Variants in SAE1 observed in about 807,000 individuals in gnomAD.
SAE1 encodes the protein SUMO1 activating enzyme subunit 1, also known as SUMO-activating enzyme subunit 1.
A neutral mutation model predicts 40.6 loss-of-function variants in SAE1; 11 were observed. The observed-to-expected ratio is 0.27, with a 90% CI of 0.17 to 0.45. SAE1 has a LOEUF of 0.45. Ranked by LOEUF, SAE1 falls within the 20% of genes least tolerant of loss-of-function variation. The probability of loss-of-function intolerance (pLI) is 1.00; values close to 1 mark genes in which losing one functional copy is unlikely to be tolerated. For missense variants in SAE1, 373 were observed against 427.3 expected (o/e 0.87, Z 1.12); for synonymous variants, 155 against 154.3 (o/e 1.00, Z -0.03).
chr19:47,151,257 C>T (rs1278367271), intron 3 of SAE1, among the ~76,000 whole-genome samples: 1 of 144,716 alleles, frequency 6.9e-6, no homozygotes, highest in African/African-American at 2.6e-5. Flanking sequence ...TCAAGTGATT[C>T]TCCTGCCTCA....
At chr19:47,200,435 G>T (rs2058646546) in intron 7 of SAE1, among the ~76,000 whole-genome samples, 1 of 143,286 alleles carries the variant, frequency 7.0e-6, no homozygotes, top group African/African-American at 2.6e-5. Context: ...TATTGACAGG[G>T]TCTCACTATG....
chr19:47,161,179 C>CG (rs1555792002), intron 5 of SAE1, among the ~76,000 whole-genome samples: 7 of 98,672 alleles, frequency 7.1e-5, no homozygotes, highest in Non-Finnish European at 1.4e-4. Context: ...CTAATTTTTT[C>CG]GGGTTTTTTT....
intron 8 of SAE1, among the ~76,000 whole-genome samples, chr19:47,208,895 C>T (rs902341505): frequency 5.9e-5 from 9 of 152,166 alleles, no homozygotes; most frequent in African/African-American, 2.2e-4. Flanking sequence ...TTAACCCAGG[C>T]AAATACATTT....
In SAE1 at chr19:47,137,927, C is replaced by T. The variant is rs111645298; in HGVS notation, c.99-5567C>T. ...TATTTTTAGTAGAGACGGGGTTTTA[C>T]CATGTTGGCCAGGCTGGTCTCAAAC... is the stretch of plus-strand genomic sequence containing the variant. On this transcript the variant is annotated intron_variant, in intron 1 of 8. Transcript: ENST00000270225. Among the ~76,000 whole-genome samples, 7 of 152,138 alleles carry T rather than the reference C, an allele frequency of 4.6e-5. 1 individual carries two copies. Among genetic ancestry groups the T allele is most frequent in the African/African-American group, 1.7e-4 (7 of 41,508 alleles).
intron 7 of SAE1, among the ~76,000 whole-genome samples, chr19:47,202,834 C>T (rs1406760212): frequency 9.2e-5 from 14 of 151,792 alleles, no homozygotes; most frequent in Admixed American, 8.5e-4. Context: ...GACATGAATC[C>T]GGGAGGCGGA....
intron 1 of SAE1, among the ~76,000 whole-genome samples, chr19:47,138,761 T>A (rs2058198419): frequency 6.6e-6 from 1 of 152,068 alleles, no homozygotes; most frequent in East Asian, 1.9e-4. Context: ...GGTTGGAGGA[T>A]CACTTGAGCC....
chr19:47,169,795 G>A (rs759301853), intron 5 of SAE1, 23 bp from the exon 6 acceptor site: 9 of 1,497,636 alleles, frequency 6.0e-6, no homozygotes, highest in Non-Finnish European at 8.4e-6. Flanking sequence ...TTATTCCTAA[G>A]CAGTTCTGCC....
chr19:47,145,063 C>A (rs914048764), intron 2 of SAE1, among the ~76,000 whole-genome samples: 28 of 151,802 alleles, frequency 1.8e-4, no homozygotes, highest in African/African-American at 6.8e-4. Context: ...AGTGCAATGG[C>A]GTGATCTTGG....
Position 47,203,725 on chromosome 19 carries a change from A to C in SAE1, c.933A>C (p.Ala311=). Residue 311 remains alanine (A), a synonymous_variant, in exon 8 of 9, where the codon GCA becomes GCC. Coordinates refer to ENST00000270225, the MANE Select transcript of SAE1 (RefSeq NM_005500.3). The part of the protein sequence containing the change: ...PVCAVVGGIL[A]QEIVKALSQR... ...GTGCGGTGGTTGGAGGGATTTTGGC[A>C]CAGGAAATTGTGAAGGTAAAACATC... 6.2e-7 allele frequency: 1 copy of C among 1,614,090 alleles called. No individual in the cohort carries two copies. Among genetic ancestry groups the C allele is most frequent in the Non-Finnish European group, 8.5e-7 (1 of 1,179,960 alleles).
intron 7 of SAE1, among the ~76,000 whole-genome samples, chr19:47,199,907 A>T (rs950504119): frequency 6.6e-6 from 1 of 151,708 alleles, no homozygotes; most frequent in Non-Finnish European, 1.5e-5. Flanking sequence ...GGCACCTTGT[A>T]AACTGCTGCC....
At chr19:47,183,786 A>G (rs909819368) in intron 6 of SAE1, among the ~76,000 whole-genome samples, 4 of 152,154 alleles carry the variant, frequency 2.6e-5, no homozygotes, top group African/African-American at 9.7e-5. Context: ...CCTCGGCAAG[A>G]GGGGTTGGCA....
chr19:47,194,606 T>A lies in SAE1; in HGVS notation c.734-2627T>A, dbSNP rs116558259. ...GTGTGATGTGGGAGAAAGAGTATTGTCCTTAGAGACAAGGCTCGAGACTGG... is the reference window on the plus strand; with the variant it reads ...GTGTGATGTGGGAGAAAGAGTATTGACCTTAGAGACAAGGCTCGAGACTGG... On this transcript the variant is annotated intron_variant, in intron 6 of 8. Transcript: ENST00000270225. Among the ~76,000 whole-genome samples, 499 of 152,228 alleles carry A rather than the reference T, an allele frequency of 3.3e-3. 3 individuals carry two copies. Among genetic ancestry groups the A allele is most frequent in the African/African-American group, 0.011 (458 of 41,526 alleles).
At chr19:47,169,734 T>C (rs2058418700) in intron 5 of SAE1, 84 bp from the exon 6 acceptor site, 2 of 887,250 alleles carry the variant, frequency 2.3e-6, no homozygotes, top group Non-Finnish European at 3.7e-6. Context: ...ATAATGAGAT[T>C]TTTCTGCAAT....
At chr19:47,206,136 C>T (rs552710991) in intron 8 of SAE1, among the ~76,000 whole-genome samples, 17 of 152,348 alleles carry the variant, frequency 1.1e-4, no homozygotes, top group African/African-American at 3.4e-4. Flanking sequence ...ACAGCCCCCT[C>T]CTTCCTGCCT....
At chr19:47,180,737 C>T (rs2058500583) in intron 6 of SAE1, among the ~76,000 whole-genome samples, 3 of 152,072 alleles carry the variant, frequency 2.0e-5, no homozygotes, top group South Asian at 2.1e-4. Flanking sequence ...ATGGGAGGAT[C>T]GGTTGAGCGC....
chr19:47,166,511 G>A (rs896991154), intron 5 of SAE1, among the ~76,000 whole-genome samples: 1 of 152,136 alleles, frequency 6.6e-6, no homozygotes, highest in South Asian at 2.1e-4. Context: ...GAAAGTGTTA[G>A]CTAACAGGCA....
At chr19:47,206,920 T>G (rs1441158384) in intron 8 of SAE1, among the ~76,000 whole-genome samples, 9 of 152,240 alleles carry the variant, frequency 5.9e-5, no homozygotes, top group Non-Finnish European at 1.2e-4. Context: ...GCAAACTTCT[T>G]TCTGATCCAA....
chr19:47,132,957 G>A (rs555317355), intron 1 of SAE1, among the ~76,000 whole-genome samples: 5 of 152,110 alleles, frequency 3.3e-5, no homozygotes, highest in African/African-American at 9.6e-5. Flanking sequence ...GAAGTGAGAG[G>A]GTTGTTTTGA....
At chr19:47,191,114 A>G (rs967139365) in intron 6 of SAE1, among the ~76,000 whole-genome samples, 7 of 152,148 alleles carry the variant, frequency 4.6e-5, no homozygotes, top group African/African-American at 7.2e-5. Flanking sequence ...CCTGATCTGT[A>G]AAGTAGGATG....
Sources: allele counts gnomAD v4.1 joint callset (sites outside exome capture counted in the v4.1 genomes callset), GRCh38; gene constraint gnomAD v4.1.1; transcripts MANE v1.5; gene names NCBI Gene and HGNC (gene_info 2026-07-23, HGNC 2026-07-21).